Variants in PDE10A observed in about 807,000 individuals in gnomAD.
The protein encoded by PDE10A is cAMP and cAMP-inhibited cGMP 3',5'-cyclic phosphodiesterase 10A.
Under a neutral mutation model 97.7 loss-of-function variants are expected in PDE10A, and 39 were observed. The observed-to-expected ratio is 0.40, with a 90% CI of 0.31 to 0.52. PDE10A has a LOEUF of 0.52. PDE10A is among the 20% of genes least tolerant of loss of function. The probability of loss-of-function intolerance (pLI) is 0.56; values close to 1 mark genes in which losing one functional copy is unlikely to be tolerated. For missense variants in PDE10A, 731 were observed against 1,047.8 expected, an observed-to-expected ratio of 0.70 and a Z score of 4.17; for synonymous variants, 371 against 376.8, an observed-to-expected ratio of 0.98 and a Z score of 0.18.
intron 4 of PDE10A, 143 bp from the exon 5 acceptor site, chr6:165,449,120 A>C (rs1791085915): frequency 3.2e-6 from 2 of 616,652 alleles, no homozygotes; most frequent in Non-Finnish European, 6.0e-6. Context: ...ATGGAACAAA[A>C]TCACTTATGG....
intron 2 of PDE10A, among the ~76,000 whole-genome samples, chr6:165,530,612 C>CG (rs542273863): frequency 9.5e-5 from 2 of 21,000 alleles, no homozygotes; most frequent in Non-Finnish European, 5.1e-4. Flanking sequence ...CACATGTACC[C>CG]CCCCCACGAA....
intron 1 of PDE10A, chr6:165,718,194 T>C (rs964009650): frequency 8.5e-5 from 13 of 152,212 alleles, no homozygotes; most frequent in African/African-American, 3.1e-4. Context: ...TCCTATGTTT[T>C]CTTCTAAGAG....
intron 1 of PDE10A, chr6:165,949,941 A>G (rs1198173463): frequency 6.6e-6 from 1 of 152,210 alleles, no homozygotes; most frequent in Non-Finnish European, 1.5e-5. Context: ...AAAATCAAAA[A>G]CTAAAATTTT....
chr6:165,651,209 G>T (rs1452092911), intron 1 of PDE10A, among the ~76,000 whole-genome samples: 1 of 152,182 alleles, frequency 6.6e-6, no homozygotes, highest in East Asian at 1.9e-4. Flanking sequence ...TTTCACAGGT[G>T]TTATTTTCAA....
chr6:165,871,216 C>A (rs1781196094), intron 1 of PDE10A, among the ~76,000 whole-genome samples: 1 of 152,024 alleles, frequency 6.6e-6, no homozygotes, highest in South Asian at 2.1e-4. Context: ...TAAATATGTA[C>A]AATTACTATT....
chr6:165,883,909 T>C (rs1781558407), intron 1 of PDE10A, among the ~76,000 whole-genome samples: 1 of 152,056 alleles, frequency 6.6e-6, no homozygotes, highest in African/African-American at 2.4e-5. Context: ...GGATCCTAGG[T>C]CTCAGGGACT....
chr6:165,969,385 T>C (rs1345254687), intron 1 of PDE10A, among the ~76,000 whole-genome samples: 5 of 151,940 alleles, frequency 3.3e-5, no homozygotes, highest in Non-Finnish European at 5.9e-5. Flanking sequence ...TGGCAGCGGT[T>C]ATGGGAGATT....
Position 165,418,277 on chromosome 6 carries a change from C to T in PDE10A, c.1796+358G>A, listed in dbSNP as rs917460708. Among the ~76,000 whole-genome samples the T allele has an allele frequency of 4.4e-4, 67 of 152,138 alleles. No homozygotes were observed. The highest frequency in any genetic ancestry group is 1.6e-3 in the African/African-American group (65 of 41,422). ...CCACCGGTTGGGAAGAAGTAGGGGC[C>T]GAATTGCATAAGCACACCTTTTCTC... is the stretch of plus-strand genomic sequence containing the variant. On this transcript the variant is annotated intron_variant, in intron 11 of 21. Transcript: ENST00000539869. The surrounding 1 kb of genome is among the most constrained non-coding windows in gnomAD (Gnocchi z 4.8).
intron 18 of PDE10A, among the ~76,000 whole-genome samples, chr6:165,348,238 G>A (rs1001491193): frequency 2.0e-5 from 3 of 152,028 alleles, no homozygotes; most frequent in African/African-American, 7.2e-5. Flanking sequence ...TTGTGTTTAC[G>A]AAAGGCAGTT....
intron 1 of PDE10A, chr6:165,948,217 T>G (rs1417487339): frequency 6.6e-6 from 1 of 152,018 alleles, no homozygotes; most frequent in Non-Finnish European, 1.5e-5. Context: ...AAATAAGACC[T>G]TGAGACCTGA....
intron 1 of PDE10A, among the ~76,000 whole-genome samples, chr6:165,839,919 A>ATCTTC (rs1434557793): frequency 6.7e-4 from 16 of 24,054 alleles, no homozygotes; most frequent in East Asian, 3.1e-3. Context: ...CTCCATCCCC[A>ATCTTC]ACCTCATCTC....
At chr6:165,823,211 A>C (rs555082825) in intron 1 of PDE10A, among the ~76,000 whole-genome samples, 67 of 151,782 alleles carry the variant, frequency 4.4e-4, no homozygotes, top group African/African-American at 1.6e-3. Flanking sequence ...ATGCTGTACA[A>C]AATATTTTCT....
intron 1 of PDE10A, among the ~76,000 whole-genome samples, chr6:165,982,907 C>T (rs1422056219): frequency 6.6e-6 from 1 of 152,166 alleles, no homozygotes; most frequent in Non-Finnish European, 1.5e-5. Flanking sequence ...TTGTCATTGG[C>T]ATAGTCCATT....
chr6:165,638,796 C>A (rs1190523095), intron 1 of PDE10A, among the ~76,000 whole-genome samples: 1 of 152,146 alleles, frequency 6.6e-6, no homozygotes, highest in Non-Finnish European at 1.5e-5. Flanking sequence ...ATAGATTATT[C>A]AAACAACAAT....
Position 165,331,397 on chromosome 6 carries a change from T to C in PDE10A, c.*1628A>G, listed in dbSNP as rs555405071. ...AGTGTTAATTTTAAAATAAGAACAA[T>C]GTTTATGTAGAGCCAACTTTGCTAC... On this transcript the variant is annotated 3_prime_UTR_variant, in exon 22 of 22. Transcript: ENST00000539869. 3 of 152,334 alleles carry C rather than the reference T, an allele frequency of 2.0e-5. No homozygotes were observed. The South Asian group carries it at 6.2e-4, about 32-fold the overall frequency. 9.4% of individuals were successfully genotyped at this position (152,334 alleles called of 1,614,324 possible).
chr6:165,679,359 G>C (rs1490415782), intron 1 of PDE10A, among the ~76,000 whole-genome samples: 1 of 152,232 alleles, frequency 6.6e-6, no homozygotes, highest in Non-Finnish European at 1.5e-5. Context: ...GGTTCTCAAA[G>C]TGGATACCAA....
In PDE10A at chr6:165,488,214, T is replaced by G. The variant is rs914157711; in HGVS notation, c.995-5871A>C. On this transcript the variant is annotated intron_variant, in intron 2 of 21. Transcript: ENST00000539869. ...ATGAATAAATTAGGAAACAAATAGA[T>G]GAAATAATTTCAGAAAATAAATGTC... Among the ~76,000 whole-genome samples, 4 of 152,234 alleles carry G rather than the reference T, an allele frequency of 2.6e-5. No individual in the cohort carries two copies. In the South Asian group the frequency reaches 6.2e-4, roughly 24 times the overall value.
intron 1 of PDE10A, among the ~76,000 whole-genome samples, chr6:165,852,933 G>T (rs1196018583): frequency 1.3e-5 from 2 of 152,226 alleles, no homozygotes; most frequent in African/African-American, 2.4e-5. Flanking sequence ...CTGCGATCTG[G>T]TTTGTTCTCT....
chr6:165,502,906 A>G (rs1780975716), intron 2 of PDE10A, among the ~76,000 whole-genome samples: 1 of 152,190 alleles, frequency 6.6e-6, no homozygotes, highest in Admixed American at 6.5e-5. Context: ...GATGACAGAA[A>G]CGTTGATTGG....
Sources: gnomAD v4.1 joint callset for allele counts (sites outside exome capture counted in the v4.1 genomes callset) on GRCh38, gnomAD v4.1.1 for gene constraint, Gnocchi (gnomAD v3.1) non-coding constraint, MANE v1.5 for transcripts, NCBI Gene and HGNC (gene_info 2026-07-23, HGNC 2026-07-21) for gene names.